FRMD4B: variants seen among roughly 807,000 people sequenced by gnomAD.
The protein encoded by FRMD4B is FERM domain-containing protein 4B.
A neutral mutation model predicts 141.5 loss-of-function variants in FRMD4B; 74 were observed. The ratio of observed to expected loss-of-function variants is 0.52; its 90% CI spans 0.43 to 0.63. The LOEUF (loss-of-function observed/expected upper bound fraction) is 0.63, where lower values mean the gene tolerates loss of function less well. FRMD4B is among the 30% of genes least tolerant of loss of function. The probability of loss-of-function intolerance (pLI) is 0.00; values close to 1 mark genes in which losing one functional copy is unlikely to be tolerated. For missense variants in FRMD4B, 1,366 were observed against 1,253.4 expected, an observed-to-expected ratio of 1.09 and a Z score of -1.36; for synonymous variants, 506 against 467.9, an observed-to-expected ratio of 1.08 and a Z score of -1.05.
chr3:69,540,780 G>C (rs1216604576), intron 1 of FRMD4B, among the ~76,000 whole-genome samples: 2 of 151,220 alleles, frequency 1.3e-5, no homozygotes, highest in Non-Finnish European at 2.9e-5. Context: ...GTCTTGTTAA[G>C]AGCCTGGCAT....
intron 1 of FRMD4B, among the ~76,000 whole-genome samples, chr3:69,348,617 A>C (rs1703029526): frequency 6.6e-6 from 1 of 152,240 alleles, no homozygotes. Context: ...CCAGCAGCAC[A>C]TCAAAGATCT....
chr3:69,198,398 A>T (rs956795877), intron 12 of FRMD4B: 16 of 304,512 alleles, frequency 5.3e-5, no homozygotes, highest in Non-Finnish European at 7.9e-5. Flanking sequence ...ACCCACTAGG[A>T]TGGCATAAAC....
At chr3:69,536,689 G>C in intron 1 of FRMD4B, 1 of 717,496 alleles carries the variant, frequency 1.4e-6, no homozygotes, top group Non-Finnish European at 2.6e-6. Flanking sequence ...CTCCCAGGAG[G>C]GGAGGCATCA....
At chr3:69,320,712 G>A (rs563163210) in intron 1 of FRMD4B, among the ~76,000 whole-genome samples, 5 of 152,188 alleles carry the variant, frequency 3.3e-5, no homozygotes, top group Non-Finnish European at 7.4e-5. Flanking sequence ...CCTACCTAGT[G>A]GCAGCTAATA....
At chr3:69,475,913 T>C (rs1034531347) in intron 1 of FRMD4B, among the ~76,000 whole-genome samples, 1 of 151,826 alleles carries the variant, frequency 6.6e-6, no homozygotes, top group Non-Finnish European at 1.5e-5. Context: ...TGGTGTGAGA[T>C]GGTATTTCAT....
chr3:69,173,451 T>C (rs896162299), intron 22 of FRMD4B, among the ~76,000 whole-genome samples: 3 of 152,218 alleles, frequency 2.0e-5, no homozygotes, highest in Non-Finnish European at 4.4e-5. Flanking sequence ...GCTATGCATT[T>C]CAAATCTTTG....
In FRMD4B at chr3:69,385,897, C is replaced by T; in HGVS notation, c.93G>A (p.Trp31Ter). Residue 31 changes from tryptophan (W) to a stop codon, truncating the protein, a stop_gained, in exon 1 of 23, where the codon TGG becomes TGA. Transcript: ENST00000398540. LOFTEE classifies it high-confidence loss of function. Reference sequence around the variant, plus strand: ...GGCAAGCCCGCAGCCTCTCCGTGTACCATCTCCGCAGCGTGGACACGGTCA... The same window carrying T: ...GGCAAGCCCGCAGCCTCTCCGTGTATCATCTCCGCAGCGTGGACACGGTCA... ...WNLTVSTLRR[W>*]YTERLRACHQ... 1 of 1,603,674 alleles carries T rather than the reference C, an allele frequency of 6.2e-7. No homozygotes were observed. Among genetic ancestry groups the T allele is most frequent in the African/African-American group, 1.3e-5 (1 of 74,726 alleles).
intron 20 of FRMD4B, among the ~76,000 whole-genome samples, chr3:69,182,213 A>G (rs569355575): frequency 6.6e-6 from 1 of 152,274 alleles, no homozygotes; most frequent in East Asian, 1.9e-4. Flanking sequence ...TAAGATGAGG[A>G]TGAAAACAAT....
At chr3:69,449,421 G>A (rs1485797773) in intron 1 of FRMD4B, among the ~76,000 whole-genome samples, 1 of 152,200 alleles carries the variant, frequency 6.6e-6, no homozygotes, top group African/African-American at 2.4e-5. Flanking sequence ...CAAGTATTTT[G>A]TGCCACATAA....
chr3:69,325,366 G>C (rs144865168), intron 1 of FRMD4B, among the ~76,000 whole-genome samples: 2 of 152,208 alleles, frequency 1.3e-5, no homozygotes, highest in Admixed American at 6.5e-5. Flanking sequence ...ACATTCCCTG[G>C]GGAGGGCATT....
rs1256971647 is a variant in FRMD4B at position 69,188,703 on chromosome 3, G to A, written c.1772-786C>T. Among the ~76,000 whole-genome samples, 7 of 145,500 alleles carry A rather than the reference G, an allele frequency of 4.8e-5. No homozygotes were observed. In the East Asian group the frequency reaches 1.3e-3, roughly 26 times the overall value. On this transcript the variant is annotated intron_variant, in intron 18 of 22. Coordinates refer to ENST00000398540, the MANE Select transcript of FRMD4B (RefSeq NM_015123.3). ...ACCCGGGAAGCGGAGCTTGCAGTGA[G>A]CCGAGATTGCGCCACTGCAGTCCGC...
intron 1 of FRMD4B, among the ~76,000 whole-genome samples, chr3:69,535,317 C>T (rs1234763315): frequency 2.0e-5 from 3 of 152,236 alleles, no homozygotes; most frequent in Admixed American, 6.5e-5. Flanking sequence ...GGCAACCTCA[C>T]AACCAGTTTC....
intron 2 of FRMD4B, among the ~76,000 whole-genome samples, chr3:69,401,007 A>G (rs1704554209): frequency 6.6e-6 from 1 of 152,232 alleles, no homozygotes; most frequent in African/African-American, 2.4e-5. Flanking sequence ...CTTTACTTCC[A>G]TTTTGAATGC....
intron 5 of FRMD4B, among the ~76,000 whole-genome samples, chr3:69,269,227 C>A (rs1488330596): frequency 1.3e-5 from 2 of 151,938 alleles, no homozygotes; most frequent in East Asian, 3.9e-4. Context: ...CTGTGCCTGG[C>A]AGATGAGAAC....
rs142957812 is a variant in FRMD4B at position 69,501,643 on chromosome 3, C to G, written c.-129+40563G>C. On this transcript the variant is annotated intron_variant, in intron 1 of 5. Transcript: ENST00000459638. The stretch of plus-strand genomic sequence containing the variant: ...CACAAGACAGGGATGCCCTCTCTCA[C>G]CACTCCTATTCAACATAGTGTTGGA... Among the ~76,000 whole-genome samples the G allele has an allele frequency of 9.3e-4, 142 of 152,298 alleles. No homozygotes were observed. The East Asian group carries it at 0.024, about 25-fold the overall frequency.
intron 11 of FRMD4B, among the ~76,000 whole-genome samples, chr3:69,206,346 T>C (rs1245270694): frequency 1.3e-5 from 2 of 151,992 alleles, no homozygotes; most frequent in Non-Finnish European, 2.9e-5. Context: ...TGACACTCCA[T>C]CTCAAAAAAA....
intron 1 of FRMD4B, among the ~76,000 whole-genome samples, chr3:69,373,733 G>A (rs980074931): frequency 1.3e-5 from 2 of 152,038 alleles, no homozygotes; most frequent in African/African-American, 2.4e-5. Context: ...AAAATTGCTG[G>A]GTGTGGTGGC....
At chr3:69,502,734 G>A (rs932403915) in intron 1 of FRMD4B, among the ~76,000 whole-genome samples, 5 of 151,548 alleles carry the variant, frequency 3.3e-5, no homozygotes, top group East Asian at 1.9e-4. Context: ...AACTACCATC[G>A]GAGTGAACAG....
intron 9 of FRMD4B, among the ~76,000 whole-genome samples, 198 bp downstream of exon 9, chr3:69,221,660 C>G (rs2093196202): frequency 6.6e-6 from 1 of 152,122 alleles, no homozygotes; most frequent in African/African-American, 2.4e-5. Flanking sequence ...CATTTTTTTA[C>G]TTGCCTGACA....
Sources: allele counts gnomAD v4.1 joint callset (sites outside exome capture counted in the v4.1 genomes callset), GRCh38; gene constraint gnomAD v4.1.1; transcripts MANE v1.5; gene names NCBI Gene and HGNC (gene_info 2026-07-23, HGNC 2026-07-21).